KCNQ4: variants seen among roughly 807,000 people sequenced by gnomAD.
The protein encoded by KCNQ4 is potassium voltage-gated channel subfamily KQT member 4.
A neutral mutation model predicts 72.6 loss-of-function variants in KCNQ4; 31 were observed. The ratio of observed to expected loss-of-function variants is 0.43; its 90% CI spans 0.32 to 0.58. The LOEUF is 0.58. Ranked by LOEUF, KCNQ4 falls within the 20% of genes least tolerant of loss-of-function variation. The probability of loss-of-function intolerance (pLI) is 0.08; values close to 1 mark genes in which losing one functional copy is unlikely to be tolerated. For synonymous variants in KCNQ4, 405 were observed against 403.7 expected (o/e 1.00, Z -0.04); for missense variants, 869 against 962.6 (o/e 0.90, Z 1.29).
chr1:40,826,573 C>A (rs559789338), intron 9 of KCNQ4: 37 of 432,806 alleles, frequency 8.5e-5, no homozygotes, highest in Admixed American at 1.4e-4. Context: ...CCAGCAGCTC[C>A]CCACACTCTG....
chr1:40,836,012 G>T (rs907433094), intron 12 of KCNQ4, among the ~76,000 whole-genome samples: 2 of 151,960 alleles, frequency 1.3e-5, no homozygotes, highest in African/African-American at 4.8e-5. Context: ...AGGATGAGCT[G>T]CAAGCATTGG....
chr1:40,823,129 A>G lies in KCNQ4; in HGVS notation c.1130+727A>G, dbSNP rs542312175. On this transcript the variant is annotated intron_variant, in intron 8 of 13. Coordinates refer to ENST00000347132, the MANE Select transcript of KCNQ4 (RefSeq NM_004700.4). ...CTTCTGCGGGTGCCTTTTTTGCCTC[A>G]TTAGTTCTCCAGGAGAAGCTGTTGC... Among the ~76,000 whole-genome samples, 6 of 152,268 alleles carry G rather than the reference A, an allele frequency of 3.9e-5. No homozygotes were observed. In the East Asian group the frequency reaches 1.2e-3, roughly 29 times the overall value.
At chr1:40,820,346 A>C in intron 7 of KCNQ4, 86 bp downstream of exon 7, 7 of 1,155,514 alleles carry the variant, frequency 6.1e-6, no homozygotes, top group Non-Finnish European at 8.9e-6. Flanking sequence ...CCATGTCCCC[A>C]GCCCAACTGT....
Position 40,833,076 on chromosome 1 carries a change from A to G in KCNQ4, c.1576A>G (p.Ile526Val), listed in dbSNP as rs774736966. The G allele has an allele frequency of 6.2e-7, 1 of 1,613,148 alleles. No individual in the cohort carries two copies. Among genetic ancestry groups the G allele is most frequent in the Non-Finnish European group, 8.5e-7 (1 of 1,179,990 alleles). ...CCAGTGTGAGCTCACGGTGGACGAC[A>G]TCATGCCTGCTGTGAAGACAGTCAT... ...SYQCELTVDD[I>V]MPAVKTVIRS... The change falls in exon 11 of 14, where the codon ATC becomes GTC. Residue 526 changes from isoleucine to valine, a missense_variant. By Grantham distance (29) the Ile-to-Val change is conservative. Transcript: ENST00000347132.
At chr1:40,828,875 C>T (rs1648558585) in intron 9 of KCNQ4, among the ~76,000 whole-genome samples, 1 of 152,254 alleles carries the variant, frequency 6.6e-6, no homozygotes, top group South Asian at 2.1e-4. Context: ...ACAGTGCCTT[C>T]TTGCATTAAA....
chr1:40,813,346 G>C (rs1052151343), intron 1 of KCNQ4, among the ~76,000 whole-genome samples: 6 of 152,244 alleles, frequency 3.9e-5, no homozygotes, highest in Non-Finnish European at 7.3e-5. Flanking sequence ...GGGAGGCCAG[G>C]TAGGTGCCAG....
At chr1:40,785,427 G>T (rs1647192924) in intron 1 of KCNQ4, among the ~76,000 whole-genome samples, 1 of 152,074 alleles carries the variant, frequency 6.6e-6, no homozygotes, top group Non-Finnish European at 1.5e-5. Flanking sequence ...CCTTTTTGCT[G>T]CCACCAGAGA....
At chr1:40,832,961 A>G (rs1387150085) in intron 10 of KCNQ4, 53 bp from the exon 11 acceptor site, 22 of 1,296,110 alleles carry the variant, frequency 1.7e-5, no homozygotes, top group Non-Finnish European at 2.5e-5. Context: ...GTCGGATGGG[A>G]GGTTGGGAGT....
intron 1 of KCNQ4, among the ~76,000 whole-genome samples, chr1:40,786,749 A>G (rs893352900): frequency 6.6e-6 from 1 of 152,080 alleles, no homozygotes; most frequent in Non-Finnish European, 1.5e-5. Context: ...GGATGAGGTA[A>G]TAGAGTGGGA....
intron 10 of KCNQ4, among the ~76,000 whole-genome samples, chr1:40,832,255 G>A (rs1007139494): frequency 6.6e-6 from 1 of 152,210 alleles, no homozygotes; most frequent in Non-Finnish European, 1.5e-5. Context: ...CTCCCCCTTT[G>A]GCCTTGGAGG....
At position 40,831,185 on chromosome 1, in the gene KCNQ4, C is replaced by A; in HGVS notation, c.1394C>A (p.Pro465Gln). ...GCACCTCCAACAATGCCCACCTCCC[C>A]AAGCAGCGAGCAGGTGGGTGAGGCC... ...HLAPPTMPTSPSSEQVGEATS... is the reference protein window; with the variant it reads ...HLAPPTMPTSQSSEQVGEATS... The change falls in exon 10 of 14, where the codon CCA (proline) becomes CAA (glutamine). Residue 465 changes from proline to glutamine, a missense_variant. Coordinates refer to ENST00000347132, the MANE Select transcript of KCNQ4 (RefSeq NM_004700.4). 1 of 1,611,106 alleles carries A rather than the reference C, an allele frequency of 6.2e-7. No homozygotes were observed. The highest frequency in any genetic ancestry group is 8.5e-7 in the Non-Finnish European group (1 of 1,178,796).
In KCNQ4 at chr1:40,808,182, C is replaced by T. The variant is rs528295914; in HGVS notation, c.315-9083C>T. The stretch of plus-strand genomic sequence containing the variant: ...CTGGCAGGGCTCAGTCTGGGAGGGA[C>T]GCTGGAAAGACGAGGGAAGGAAGGA... On this transcript the variant is annotated intron_variant, in intron 1 of 13. Transcript: ENST00000347132. Among the ~76,000 whole-genome samples, 7 of 151,540 alleles carry T rather than the reference C, an allele frequency of 4.6e-5. No individual in the cohort carries two copies. The South Asian group carries it at 8.4e-4, about 18-fold the overall frequency.
At chr1:40,820,340 G>A in intron 7 of KCNQ4, 80 bp downstream of exon 7, 2 of 1,220,918 alleles carry the variant, frequency 1.6e-6, no homozygotes, top group Non-Finnish European at 2.4e-6. Flanking sequence ...GCTGACCCAT[G>A]TCCCCAGCCC....
At chr1:40,787,411 C>CT (rs1207847441) in intron 1 of KCNQ4, among the ~76,000 whole-genome samples, 1 of 152,186 alleles carries the variant, frequency 6.6e-6, no homozygotes, top group African/African-American at 2.4e-5. Flanking sequence ...AAGGAGGGAG[C>CT]TGGGGTGAGA....
intron 1 of KCNQ4, among the ~76,000 whole-genome samples, chr1:40,792,156 G>A (rs1647296058): frequency 6.6e-6 from 1 of 152,152 alleles, no homozygotes; most frequent in African/African-American, 2.4e-5. Flanking sequence ...GGCCTGTCCA[G>A]GTTGCTGTCT....
Position 40,818,250 on chromosome 1 carries a change from G to C in KCNQ4, c.492G>C (p.Gln164His). ...AGCCCRYRGW[Q>H]GRFRFARKPF... ...GCTGCTGCCGCTACCGAGGATGGCA[G>C]GGTCGCTTCCGCTTTGCCAGAAAGC... Residue 164 changes from glutamine to histidine, a missense_variant, in exon 3 of 14, where the codon CAG becomes CAC. This residue lies in a region of KCNQ4 where 179 missense variants were observed against 243.0 expected (regional missense o/e 0.74). Transcript: ENST00000347132. The C allele has an allele frequency of 6.2e-7, 1 of 1,614,030 alleles. No homozygotes were observed. Among genetic ancestry groups the C allele is most frequent in the East Asian group, 2.2e-5 (1 of 44,868 alleles).
At chr1:40,796,211 G>T (rs976864209) in intron 1 of KCNQ4, among the ~76,000 whole-genome samples, 2 of 152,102 alleles carry the variant, frequency 1.3e-5, no homozygotes, top group African/African-American at 4.8e-5. Flanking sequence ...CCGGGTTGGG[G>T]TCGGAAGGCA....
At chr1:40,799,441 C>CT (rs1647513496) in intron 1 of KCNQ4, among the ~76,000 whole-genome samples, 2 of 151,992 alleles carry the variant, frequency 1.3e-5, no homozygotes, top group South Asian at 4.1e-4. Context: ...TGCCCCCCCC[C>CT]TCGCTAGGCA....
chr1:40,811,178 C>G (rs1347371256), intron 1 of KCNQ4, among the ~76,000 whole-genome samples: 9 of 152,090 alleles, frequency 5.9e-5, no homozygotes, highest in African/African-American at 1.9e-4. Flanking sequence ...CAATAGGAAG[C>G]CTTTGGCCAG....
Sources: gnomAD v4.1 joint callset for allele counts (sites outside exome capture counted in the v4.1 genomes callset) on GRCh38, gnomAD v4.1.1 for gene constraint, gnomAD v4.1.1 regional missense constraint, MANE v1.5 for transcripts, NCBI Gene and HGNC (gene_info 2026-07-23, HGNC 2026-07-21) for gene names.